The following GNG12 variants were observed in gnomAD, a reference collection of about 807,000 sequenced individuals.
GNG12 encodes the protein G protein subunit gamma 12, also known as guanine nucleotide-binding protein G(I)/G(S)/G(O) subunit gamma-12.
For synonymous variants in GNG12, 28 were observed against 29.7 expected (o/e 0.94, Z 0.19); for missense variants, 69 against 83.8 (o/e 0.82, Z 0.69).
At chr1:67,813,039 G>A (rs12091105) in intron 1 of GNG12, among the ~76,000 whole-genome samples, 49,600 of 151,974 alleles carry the variant, frequency 0.33, 8,335 homozygotes, top group Middle Eastern at 0.51. Context: ...CCATAATGAC[G>A]ATGGCCCCTT....
At chr1:67,766,106 G>GCACACA (rs59348663) in intron 2 of GNG12, among the ~76,000 whole-genome samples, 4,805 of 139,814 alleles carry the variant, frequency 0.034, 105 homozygotes, top group African/African-American at 0.059. Flanking sequence ...AGGCACACAC[G>GCACACA]CACACACACA....
At chr1:67,775,694 G>A (rs1249446324) in intron 2 of GNG12, among the ~76,000 whole-genome samples, 1 of 152,220 alleles carries the variant, frequency 6.6e-6, no homozygotes, top group Non-Finnish European at 1.5e-5. Flanking sequence ...TGGGAAGTGA[G>A]TAGGAGCTAG....
chr1:67,709,934 AG>A (rs1646275336), intron 2 of GNG12, among the ~76,000 whole-genome samples: 31 of 32,100 alleles, frequency 9.7e-4, no homozygotes, highest in East Asian at 2.6e-3. Flanking sequence ...TTATATATAT[AG>A]TTATATATAT....
At chr1:67,728,925 A>T (rs1202660836) in intron 2 of GNG12, among the ~76,000 whole-genome samples, 1 of 152,236 alleles carries the variant, frequency 6.6e-6, no homozygotes, top group Non-Finnish European at 1.5e-5. Flanking sequence ...TTCAAAGAGA[A>T]ATACACAGAA....
At chr1:67,769,643 T>C (rs529187437) in intron 2 of GNG12, among the ~76,000 whole-genome samples, 1 of 152,354 alleles carries the variant, frequency 6.6e-6, no homozygotes, top group East Asian at 1.9e-4. Flanking sequence ...CACGTTGGTA[T>C]GCAGGTAGAG....
At chr1:67,720,165 T>C (rs1245042597) in intron 2 of GNG12, among the ~76,000 whole-genome samples, 1 of 152,216 alleles carries the variant, frequency 6.6e-6, no homozygotes, top group Non-Finnish European at 1.5e-5. Flanking sequence ...TTAGGGCCAG[T>C]TGCTGGTGCT....
chr1:67,818,517 A>G (rs1570573755), intron 1 of GNG12, among the ~76,000 whole-genome samples: 1 of 151,450 alleles, frequency 6.6e-6, no homozygotes, highest in African/African-American at 2.4e-5. Flanking sequence ...GACAAAATAC[A>G]AGTCCAGTTC....
At chr1:67,750,533 G>GCAGTTACT (rs1158445664) in intron 2 of GNG12, among the ~76,000 whole-genome samples, 7 of 152,290 alleles carry the variant, frequency 4.6e-5, no homozygotes, top group Middle Eastern at 6.8e-3. Context: ...AATTCACCCA[G>GCAGTTACT]CAGTTACTCA....
intron 2 of GNG12, among the ~76,000 whole-genome samples, chr1:67,711,120 T>G (rs910394731): frequency 6.6e-6 from 1 of 152,196 alleles, no homozygotes; most frequent in Non-Finnish European, 1.5e-5. Context: ...AATTAAAGTT[T>G]AGGAGATAGG....
intron 2 of GNG12, among the ~76,000 whole-genome samples, chr1:67,735,019 A>G (rs1243042005): frequency 6.6e-6 from 1 of 151,404 alleles, no homozygotes; most frequent in African/African-American, 2.4e-5. Context: ...ACGCCTGGCT[A>G]ATTTTGTATT....
At chr1:67,759,222 T>C (rs945176638) in intron 2 of GNG12, among the ~76,000 whole-genome samples, 29 of 152,202 alleles carry the variant, frequency 1.9e-4, no homozygotes, top group African/African-American at 6.8e-4. Context: ...GAACAGCATA[T>C]ACATCCCACA....
intron 2 of GNG12, among the ~76,000 whole-genome samples, chr1:67,752,831 G>A (rs2100727921): frequency 6.6e-6 from 1 of 152,132 alleles, no homozygotes; most frequent in South Asian, 2.1e-4. Context: ...AAATAATATG[G>A]GATATCATCC....
chr1:67,830,002 C>CTTTTTTT (rs35214495), intron 1 of GNG12, among the ~76,000 whole-genome samples: 1 of 117,406 alleles, frequency 8.5e-6, no homozygotes, highest in Non-Finnish European at 1.7e-5. Flanking sequence ...AAGATGGAGG[C>CTTTTTTT]TTTTTTTTTT....
rs1646740607 is a variant in GNG12 at position 67,782,063 on chromosome 1, ACTATATGGTTTCACTTGCAAATTCT to A, written c.-76-4581_-76-4557del. On this transcript the variant is annotated intron_variant, in intron 1 of 3. Coordinates refer to ENST00000370982, the MANE Select transcript of GNG12 (RefSeq NM_018841.6). ...AGCTACTCTATGCAACAGCACAGGT[ACTATATGGTTTCACTTGCAAATTCT>A]GATATGATGTTATCTCAAAAGGCAA... 2.0e-5 allele frequency among the ~76,000 whole-genome samples: 3 copies of A among 152,320 alleles called. No homozygotes were observed. The South Asian group carries it at 6.2e-4, about 32-fold the overall frequency.
intron 1 of GNG12, among the ~76,000 whole-genome samples, chr1:67,788,460 G>C (rs1471554244): frequency 1.3e-5 from 2 of 151,806 alleles, no homozygotes; most frequent in Non-Finnish European, 2.9e-5. Context: ...GAGTTTCCCT[G>C]GTAGCTGGGA....
At chr1:67,775,749 C>T (rs1646701192) in intron 2 of GNG12, among the ~76,000 whole-genome samples, 1 of 152,136 alleles carries the variant, frequency 6.6e-6, no homozygotes, top group Non-Finnish European at 1.5e-5. Flanking sequence ...AAAGAAGGCA[C>T]TGTTTGGCTT....
chr1:67,764,009 C>A (rs1472530384), intron 2 of GNG12, among the ~76,000 whole-genome samples: 3 of 152,184 alleles, frequency 2.0e-5, no homozygotes, highest in Non-Finnish European at 4.4e-5. Context: ...AACGGCATTG[C>A]TCCTGTCATG....
chr1:67,801,588 AC>A, intron 1 of GNG12, among the ~76,000 whole-genome samples: 1 of 152,198 alleles, frequency 6.6e-6, no homozygotes, highest in South Asian at 2.1e-4. Context: ...GAAAGATTAT[AC>A]CCAGCGATAC....
At chr1:67,795,469 C>T (rs1362755080) in intron 1 of GNG12, among the ~76,000 whole-genome samples, 2 of 152,274 alleles carry the variant, frequency 1.3e-5, no homozygotes, top group South Asian at 2.1e-4. Flanking sequence ...CTCACTAGGT[C>T]GTCCATACAT....
Sources: allele counts gnomAD v4.1 joint callset (sites outside exome capture counted in the v4.1 genomes callset), GRCh38; gene constraint gnomAD v4.1.1; transcripts MANE v1.5; gene names NCBI Gene and HGNC (gene_info 2026-07-23, HGNC 2026-07-21).